The following PRDX3 variants were observed in gnomAD, a reference collection of about 807,000 sequenced individuals.
The protein encoded by PRDX3 is peroxiredoxin 3, also known as thioredoxin-dependent peroxide reductase, mitochondrial.
A neutral mutation model predicts 30.4 loss-of-function variants in PRDX3; 20 were observed. The ratio of observed to expected loss-of-function variants is 0.66; its 90% CI spans 0.46 to 0.96. PRDX3 has a LOEUF of 0.96. Ranked by LOEUF, PRDX3 falls within the 40% of genes least tolerant of loss-of-function variation. The pLI is 0.00. For synonymous variants in PRDX3, 124 were observed against 117.8 expected (o/e 1.05, Z -0.34); for missense variants, 322 against 318.3 (o/e 1.01, Z -0.09).
Position 119,168,301 on chromosome 10 carries a change from T to C in PRDX3, c.*179A>G, listed in dbSNP as rs1847814739. 1 of 1,292,204 alleles carries C rather than the reference T, an allele frequency of 7.7e-7. No individual in the cohort carries two copies. Among genetic ancestry groups the C allele is most frequent in the African/African-American group, 1.5e-5 (1 of 65,866 alleles). The allele number at this position is 1,292,204 out of a possible 1,614,324, so 80.0% of individuals were successfully genotyped here. On this transcript the variant is annotated 3_prime_UTR_variant, in exon 7 of 7. Transcript: ENST00000298510. ...ATAAAGGATTCCTTGTACTAGCAAC[T>C]AACCATGTTTAAAAGGTCTTAGCCA... is the stretch of plus-strand genomic sequence containing the variant.
intron 2 of PRDX3, among the ~76,000 whole-genome samples, chr10:119,175,465 A>G (rs1357611131): frequency 6.6e-6 from 1 of 152,120 alleles, no homozygotes; most frequent in Non-Finnish European, 1.5e-5. Context: ...GCACAATCTC[A>G]GCTCACTGCA....
chr10:119,174,017 C>CAA (rs1349601104), intron 3 of PRDX3, 145 bp from the exon 4 acceptor site: 1 of 667,128 alleles, frequency 1.5e-6, no homozygotes. Context: ...GTTGTGCTGG[C>CAA]AAAAGTACTA....
At chr10:119,172,351 A>C in intron 5 of PRDX3, 31 bp downstream of exon 5, 1 of 1,520,140 alleles carries the variant, frequency 6.6e-7, no homozygotes. Flanking sequence ...CATGAAAAAT[A>C]ATCTTAAGTT....
intron 1 of PRDX3, among the ~76,000 whole-genome samples, chr10:119,178,378 T>TCACAGCAACGC (rs1247768767): frequency 6.6e-6 from 1 of 152,210 alleles, no homozygotes; most frequent in Non-Finnish European, 1.5e-5. Context: ...AAGGGGCTGT[T>TCACAGCAACGC]CACAGCAACG....
chr10:119,172,347 A>G (rs1386742291), intron 5 of PRDX3, 35 bp downstream of exon 5: 2 of 1,517,844 alleles, frequency 1.3e-6, no homozygotes, highest in Non-Finnish European at 1.8e-6. Flanking sequence ...TAAACATGAA[A>G]AATAATCTTA....
intron 2 of PRDX3, among the ~76,000 whole-genome samples, chr10:119,175,721 T>C (rs906726652): frequency 1.3e-5 from 2 of 150,446 alleles, no homozygotes; most frequent in African/African-American, 2.4e-5. Flanking sequence ...GGAAGATTAG[T>C]CCGGCAGGAG....
In PRDX3 at chr10:119,175,715, G is replaced by T. The variant is rs528236445; in HGVS notation, c.170-1123C>A. ...TGGCTGAGATGGGGGTTTTTAGGAAGATTAGTCCGGCAGGAGGGAAAGAGG... is the reference window on the plus strand; with the variant it reads ...TGGCTGAGATGGGGGTTTTTAGGAATATTAGTCCGGCAGGAGGGAAAGAGG... On this transcript the variant is annotated intron_variant, in intron 2 of 6. Coordinates refer to ENST00000298510, the MANE Select transcript of PRDX3 (RefSeq NM_006793.5). Among the ~76,000 whole-genome samples, 3 of 151,716 alleles carry T rather than the reference G, an allele frequency of 2.0e-5. No individual in the cohort carries two copies. In the East Asian group the frequency reaches 5.9e-4, roughly 30 times the overall value.
intron 1 of PRDX3, among the ~76,000 whole-genome samples, chr10:119,178,466 G>C (rs562864374): frequency 1.1e-4 from 16 of 152,362 alleles, no homozygotes; most frequent in Non-Finnish European, 1.8e-4. Flanking sequence ...AGATCACAGG[G>C]TCGGTGGCAG....
rs557504454 is a variant in PRDX3, at chr10:119,174,392, G to T, written c.311+59C>A. The T allele has an allele frequency of 2.9e-5, 44 of 1,524,906 alleles. No homozygotes were observed. In the African/African-American group the frequency reaches 5.7e-4, roughly 20 times the overall value. The allele number at this position is 1,524,906 out of a possible 1,614,324, so 94.5% of individuals were successfully genotyped here. A position where few individuals can be genotyped will look rare whatever the true frequency, so the allele number is the denominator to read the frequency against. On this transcript the variant is annotated intron_variant, in intron 3 of 6. Coordinates refer to ENST00000298510, the MANE Select transcript of PRDX3 (RefSeq NM_006793.5). ...TCTAGGGATAGACAATTCAGTGTGG[G>T]AACAGGATATGTGCTTGCTCTCAGA...
chr10:119,178,695 G>A, intron 1 of PRDX3, 60 bp downstream of exon 1: 1 of 1,543,152 alleles, frequency 6.5e-7, no homozygotes, highest in Admixed American at 2.0e-5. Context: ...TCCTGTCTGA[G>A]AAGCACGTTC....
intron 2 of PRDX3, 34 bp downstream of exon 2, chr10:119,176,987 C>T (rs1848044343): frequency 1.2e-6 from 2 of 1,612,832 alleles, no homozygotes; most frequent in Non-Finnish European, 1.7e-6. Context: ...TTTTCCTTTA[C>T]CTGGCTCCAG....
At chr10:119,172,512 A>G in intron 4 of PRDX3, 27 bp from the exon 5 acceptor site, 1 of 1,570,722 alleles carries the variant, frequency 6.4e-7, no homozygotes. Flanking sequence ...CATGACTGTT[A>G]GAATGTGTGG....
At chr10:119,169,079 T>C in intron 6 of PRDX3, 98 bp downstream of exon 6, 1 of 1,346,034 alleles carries the variant, frequency 7.4e-7, no homozygotes, top group Non-Finnish European at 1.0e-6. Flanking sequence ...TCTGCACGCT[T>C]GCTTCAAGAG....
At position 119,177,128 on chromosome 10, in the gene PRDX3, G is replaced by A. The variant is rs765559854; in HGVS notation, c.62C>T (p.Pro21Leu). 3 of 1,613,462 alleles carry A rather than the reference G, an allele frequency of 1.9e-6. No homozygotes were observed. Among genetic ancestry groups the A allele is most frequent in the South Asian group, 2.2e-5 (2 of 91,052 alleles). The change falls in exon 2 of 7, where the codon CCT becomes CTT. Residue 21 changes from proline (P) to leucine (L), a missense_variant. Physicochemically the swap from Pro to Leu is moderately conservative, Grantham distance 98. Transcript: ENST00000298510. ...ASVARHVSAI[P>L]WGISATAALR... ...GGCTGCAGTGGCAGAAATGCCCCAAGGAATGGCACTCACATGTCGGGCAAC... is the reference window on the plus strand; with the variant it reads ...GGCTGCAGTGGCAGAAATGCCCCAAAGAATGGCACTCACATGTCGGGCAAC...
In PRDX3 at chr10:119,172,479, C is replaced by T. The variant is rs948775802; in HGVS notation, c.454G>A (p.Gly152Ser). The T allele has an allele frequency of 3.1e-6, 5 of 1,613,226 alleles. No individual in the cohort carries two copies. The highest frequency in any genetic ancestry group is 4.2e-6 in the Non-Finnish European group (5 of 1,179,176). Residue 152 changes from glycine (G) to serine (S), a missense_variant, in exon 5 of 7, where the codon GGT (glycine) becomes AGT (serine). Coordinates refer to ENST00000298510, the MANE Select transcript of PRDX3 (RefSeq NM_006793.5). ...AWINTPRKNG[G>S]LGHMNIALLS... ...AGTGCGATGTTCATGTGGCCCAAAC[C>T]ACCATTCTAATCAAAATGCAAACAT...
chr10:119,174,721 C>T, intron 2 of PRDX3, 129 bp from the exon 3 acceptor site: 1 of 945,396 alleles, frequency 1.1e-6, no homozygotes. Flanking sequence ...TTCGGTTCAA[C>T]TGTACATCTT....
chr10:119,168,581 A>G (rs745827000), intron 6 of PRDX3, 48 bp from the exon 7 acceptor site: 11 of 1,607,186 alleles, frequency 6.8e-6, no homozygotes, highest in African/African-American at 4.0e-5. Flanking sequence ...TACCATAATA[A>G]TAGTCCCAAA....
At chr10:119,168,754 G>A (rs1847826209) in intron 6 of PRDX3, among the ~76,000 whole-genome samples, 1 of 151,898 alleles carries the variant, frequency 6.6e-6, no homozygotes, top group South Asian at 2.1e-4. Context: ...AAGGCGGGTG[G>A]ATCACGAGGT....
intron 5 of PRDX3, among the ~76,000 whole-genome samples, chr10:119,172,114 G>A (rs1847920298): frequency 6.6e-6 from 1 of 152,150 alleles, no homozygotes; most frequent in African/African-American, 2.4e-5. Flanking sequence ...CTAAAATTAA[G>A]GATTGATTAT....
Sources: gnomAD v4.1 joint callset for allele counts (sites outside exome capture counted in the v4.1 genomes callset) on GRCh38, gnomAD v4.1.1 for gene constraint, MANE v1.5 for transcripts, NCBI Gene and HGNC (gene_info 2026-07-23, HGNC 2026-07-21) for gene names.